GAS7: variants seen among roughly 807,000 people sequenced by gnomAD.
GAS7 encodes growth arrest specific 7, also known as growth arrest-specific protein 7.
A neutral mutation model predicts 71.1 loss-of-function variants in GAS7; 28 were observed. That is an observed-to-expected ratio of 0.39 (90% CI 0.29 to 0.54). The LOEUF (loss-of-function observed/expected upper bound fraction) is 0.54, where lower values mean the gene tolerates loss of function less well. Among genes scored for constraint, GAS7 ranks in the 20% least tolerant of loss-of-function variants. The pLI is 0.62. For synonymous variants in GAS7, 258 were observed against 245.8 expected (o/e 1.05, Z -0.46); for missense variants, 436 against 627.8 (o/e 0.69, Z 3.27).
chr17:9,962,239 T>TAC (rs58521200), intron 4 of GAS7, among the ~76,000 whole-genome samples: 3,613 of 148,502 alleles, frequency 0.024, 48 homozygotes, highest in South Asian at 0.056. Context: ...GTGCATTTTA[T>TAC]ACACACACAC....
At chr17:10,064,054 T>A (rs1033466792) in intron 1 of GAS7, among the ~76,000 whole-genome samples, 1 of 152,172 alleles carries the variant, frequency 6.6e-6, no homozygotes, top group African/African-American at 2.4e-5. Context: ...GTCACACACG[T>A]GCCAACAGAA....
At chr17:9,951,795 A>G (rs2069029109) in intron 5 of GAS7, among the ~76,000 whole-genome samples, 1 of 149,976 alleles carries the variant, frequency 6.7e-6, no homozygotes, top group Non-Finnish European at 1.5e-5. Flanking sequence ...AACAAGAAGA[A>G]AGGACTTTCC....
chr17:9,936,442 C>T (rs1429274520), intron 8 of GAS7, among the ~76,000 whole-genome samples: 2 of 152,172 alleles, frequency 1.3e-5, no homozygotes, highest in Non-Finnish European at 2.9e-5. Context: ...AGAATGTCAT[C>T]TCTGGGCAAC....
chr17:10,028,871 G>A (rs1214004135), intron 1 of GAS7, among the ~76,000 whole-genome samples: 1 of 152,162 alleles, frequency 6.6e-6, no homozygotes, highest in African/African-American at 2.4e-5. Flanking sequence ...GAATGCAAAG[G>A]AAATGGGAAA....
At chr17:10,036,782 T>G in intron 1 of GAS7, 1 of 1,145,470 alleles carries the variant, frequency 8.7e-7, no homozygotes, top group Non-Finnish European at 1.1e-6. Flanking sequence ...CTCCCTCTTT[T>G]TCCCCTTTCT....
At chr17:10,119,210 C>T (rs2073886523) in intron 1 of GAS7, among the ~76,000 whole-genome samples, 1 of 152,160 alleles carries the variant, frequency 6.6e-6, no homozygotes, top group South Asian at 2.1e-4. Context: ...GGGAATAGAA[C>T]ATGGTAAAGG....
rs536332328 is a variant in GAS7, at chr17:9,945,597, T to C, written c.615+1297A>G. On this transcript the variant is annotated intron_variant, in intron 6 of 13. Coordinates refer to ENST00000432992, the MANE Select transcript of GAS7 (RefSeq NM_201433.2). ...GAGGTGTAGGCAACAGGGATCTTTG[T>C]ATATCTTCTAAGGTACAAGCGATTT... Among the ~76,000 whole-genome samples, 20 of 152,038 alleles carry C rather than the reference T, an allele frequency of 1.3e-4. No homozygotes were observed. The South Asian group carries it at 4.2e-3, about 32-fold the overall frequency.
At chr17:10,079,003 T>C (rs1485180655) in intron 1 of GAS7, among the ~76,000 whole-genome samples, 1 of 152,078 alleles carries the variant, frequency 6.6e-6, no homozygotes, top group Non-Finnish European at 1.5e-5. Flanking sequence ...GAAAGGAAAG[T>C]AATCAGATGA....
intron 1 of GAS7, among the ~76,000 whole-genome samples, chr17:10,145,720 G>A (rs1388763321): frequency 6.6e-6 from 1 of 152,176 alleles, no homozygotes; most frequent in Non-Finnish European, 1.5e-5. Flanking sequence ...GGGGAGGTGG[G>A]CTTTAGGGGC....
intron 2 of GAS7, among the ~76,000 whole-genome samples, chr17:10,008,608 C>A (rs1486723385): frequency 6.6e-6 from 1 of 152,118 alleles, no homozygotes; most frequent in Non-Finnish European, 1.5e-5. Context: ...GTAAGTATTA[C>A]CTAAACATTA....
At chr17:9,972,841 T>C (rs1489765309) in intron 3 of GAS7, among the ~76,000 whole-genome samples, 5 of 152,118 alleles carry the variant, frequency 3.3e-5, no homozygotes, top group Non-Finnish European at 1.5e-5. Context: ...CAAAAAGGAA[T>C]TTAAAACTGT....
chr17:9,912,237 A>G lies in GAS7; in HGVS notation c.*4991T>C. 1 of 232,914 alleles carries G rather than the reference A, an allele frequency of 4.3e-6. No homozygotes were observed. Among genetic ancestry groups the G allele is most frequent in the East Asian group, 6.1e-5 (1 of 16,510 alleles). 14.4% of individuals were successfully genotyped at this position (232,914 alleles called of 1,614,324 possible). ...AAAGTACCACGGCATCTCTCTCACC[A>G]GGACTTGAGGCAATTCTATGCACGA... On this transcript the variant is annotated 3_prime_UTR_variant, in exon 14 of 14. Transcript: ENST00000432992.
In GAS7 at chr17:9,959,161, C is replaced by T. The variant is rs773720216; in HGVS notation, c.525+41G>A. 3 of 1,605,158 alleles carry T rather than the reference C, an allele frequency of 1.9e-6. No individual in the cohort carries two copies. The African/African-American group carries it at 4.0e-5, about 21-fold the overall frequency. On this transcript the variant is annotated intron_variant, in intron 5 of 13. Transcript: ENST00000432992. The surrounding 1 kb of genome is among the most constrained non-coding windows in gnomAD (Gnocchi z 5.0). ...GCAACAGCCCAGCCAAATGCCCCAG[C>T]TCGCAGCCCACCCTGAGGGCGCCCC...
intron 8 of GAS7, among the ~76,000 whole-genome samples, chr17:9,935,747 G>T (rs16959041): frequency 0.039 from 5,966 of 152,290 alleles, 406 homozygotes; most frequent in African/African-American, 0.14. Context: ...GCAAAGAAAG[G>T]TCCCCTCAGT....
chr17:9,998,709 G>GAAGGGAAGGAAAAGGGAAGGA (rs2071146827), intron 2 of GAS7, among the ~76,000 whole-genome samples: 2 of 152,160 alleles, frequency 1.3e-5, no homozygotes, highest in African/African-American at 4.8e-5. Context: ...AAAGGGAAGG[G>GAAGGGAAGGAAAAGGGAAGGA]AAGGGAAGGA....
intron 2 of GAS7, among the ~76,000 whole-genome samples, chr17:9,996,698 G>T (rs1436300092): frequency 6.6e-6 from 1 of 151,496 alleles, no homozygotes; most frequent in Non-Finnish European, 1.5e-5. Flanking sequence ...AAGTACAGTG[G>T]CGTGATCTTG....
chr17:10,183,039 T>A (rs1252135349), intron 1 of GAS7, among the ~76,000 whole-genome samples: 2 of 151,932 alleles, frequency 1.3e-5, no homozygotes, highest in East Asian at 3.9e-4. Context: ...GCAGCAACCA[T>A]TATGTAGCAG....
At chr17:9,960,622 C>T (rs952417122) in intron 4 of GAS7, among the ~76,000 whole-genome samples, 3 of 152,222 alleles carry the variant, frequency 2.0e-5, no homozygotes, top group African/African-American at 7.2e-5. Flanking sequence ...CCCCTCAGGC[C>T]AGCACGACCC....
chr17:10,176,408 T>A (rs2074374636), intron 1 of GAS7, among the ~76,000 whole-genome samples: 1 of 152,148 alleles, frequency 6.6e-6, no homozygotes, highest in South Asian at 2.1e-4. Context: ...CCGCTTGCAT[T>A]CATCACCCGT....
Sources: allele counts gnomAD v4.1 joint callset (sites outside exome capture counted in the v4.1 genomes callset), GRCh38; gene constraint gnomAD v4.1.1; non-coding constraint Gnocchi (gnomAD v3.1); transcripts MANE v1.5; gene names NCBI Gene and HGNC (gene_info 2026-07-23, HGNC 2026-07-21).